DPH6: variants seen among roughly 807,000 people sequenced by gnomAD.
DPH6 encodes the protein diphthine--ammonia ligase.
DPH6 carries 33 observed loss-of-function variants against 38.2 expected under a neutral mutation model. The observed-to-expected ratio is 0.86, with a 90% CI of 0.65 to 1.15. The LOEUF (loss-of-function observed/expected upper bound fraction) is 1.15, where lower values mean the gene tolerates loss of function less well. Among genes scored for constraint, DPH6 ranks in the 50% most tolerant of loss-of-function variants. The pLI is 0.00. For missense variants in DPH6, 325 were observed against 320.0 expected, an observed-to-expected ratio of 1.02 and a Z score of -0.12; for synonymous variants, 108 against 103.0, an observed-to-expected ratio of 1.05 and a Z score of -0.30.
At chr15:35,319,721 CAG>C (rs2052223986) in intron 3 of DPH6, among the ~76,000 whole-genome samples, 1 of 151,952 alleles carries the variant, frequency 6.6e-6, no homozygotes, top group Non-Finnish European at 1.5e-5. Flanking sequence ...GCCTGGGTGA[CAG>C]AGTGAGATTC....
At chr15:35,413,044 AGGGGAGGTTGATAATG>A (rs1379735802) in intron 5 of DPH6, among the ~76,000 whole-genome samples, 1 of 151,576 alleles carries the variant, frequency 6.6e-6, no homozygotes, top group Non-Finnish European at 1.5e-5. Context: ...CAACTCTAGC[AGGGGAGGTTGATAATG>A]GGGGAGGTCA....
chr15:35,178,231 C>T, the DPH6 span, among the ~76,000 whole-genome samples: 1 of 152,152 alleles, frequency 6.6e-6, no homozygotes. Flanking sequence ...GTTTCATATA[C>T]TGTATTAGTC....
chr15:35,435,408 C>A (rs556593228), intron 5 of DPH6, among the ~76,000 whole-genome samples: 1 of 152,298 alleles, frequency 6.6e-6, no homozygotes, highest in East Asian at 1.9e-4. Context: ...TTGATAGATG[C>A]AGGAGGCAGA....
intron 5 of DPH6, among the ~76,000 whole-genome samples, chr15:35,439,548 T>G (rs914464078): frequency 2.6e-5 from 4 of 152,228 alleles, no homozygotes; most frequent in Non-Finnish European, 4.4e-5. Flanking sequence ...GTATGCTTCC[T>G]TTTAAGGAAT....
intron 3 of DPH6, among the ~76,000 whole-genome samples, chr15:35,526,000 T>C (rs1595443585): frequency 6.6e-6 from 1 of 152,330 alleles, no homozygotes; most frequent in Middle Eastern, 3.4e-3. Context: ...ATTATAATGC[T>C]TTCTGTAATT....
intron 4 of DPH6, 49 bp downstream of exon 4, chr15:35,454,698 T>C: frequency 6.9e-7 from 1 of 1,457,956 alleles, no homozygotes; most frequent in Non-Finnish European, 9.5e-7. Context: ...CTTATTCACA[T>C]TCTTAAAACA....
At chr15:35,248,281 C>G (rs2051649215) in intron 3 of DPH6, among the ~76,000 whole-genome samples, 1 of 152,200 alleles carries the variant, frequency 6.6e-6, no homozygotes, top group African/African-American at 2.4e-5. Context: ...AACCCCTTTT[C>G]TCAAAGCCAT....
chr15:35,345,775 T>C (rs1349898204), intron 3 of DPH6, among the ~76,000 whole-genome samples: 1 of 151,904 alleles, frequency 6.6e-6, no homozygotes, highest in Non-Finnish European at 1.5e-5. Context: ...CAAATATAGA[T>C]TGAACATATA....
chr15:35,208,568 CTCATCT>C, the DPH6 span, among the ~76,000 whole-genome samples: 1 of 152,220 alleles, frequency 6.6e-6, no homozygotes, highest in Non-Finnish European at 1.5e-5. Flanking sequence ...GCAGCATGAC[CTCATCT>C]TCCCTTCTGA....
At chr15:35,520,220 C>CAAAAAAAAAAAAAAAAAAAAA (rs1353792195) in intron 3 of DPH6, 10 of 435,338 alleles carry the variant, frequency 2.3e-5, no homozygotes, top group East Asian at 4.9e-4. Context: ...AAACATGCTA[C>CAAAAAAAAAAAAAAAAAAAAA]AAAAAAAAAC....
the DPH6 span, among the ~76,000 whole-genome samples, chr15:35,158,991 T>C: frequency 6.6e-6 from 1 of 152,086 alleles, no homozygotes; most frequent in African/African-American, 2.4e-5. Flanking sequence ...CTTAAATTTA[T>C]ATTTACTGAT....
At chr15:35,238,070 T>A in intron 3 of DPH6, 1 of 1,552,182 alleles carries the variant, frequency 6.4e-7, no homozygotes, top group Non-Finnish European at 8.9e-7. Flanking sequence ...CTAAGTGGAA[T>A]AACCTATTTT....
intron 3 of DPH6, among the ~76,000 whole-genome samples, chr15:35,284,364 C>T (rs1399371040): frequency 6.6e-6 from 1 of 151,952 alleles, no homozygotes; most frequent in Non-Finnish European, 1.5e-5. Flanking sequence ...TTTTTTCCCC[C>T]TAAGGTAAAA....
chr15:35,242,446 T>C (rs1203317778), intron 3 of DPH6, among the ~76,000 whole-genome samples: 1 of 143,170 alleles, frequency 7.0e-6, no homozygotes, highest in Non-Finnish European at 1.5e-5. Context: ...TTTAATACTT[T>C]TAGAGGCCTT....
chr15:35,459,103 G>A (rs2054031665), intron 3 of DPH6, among the ~76,000 whole-genome samples: 1 of 152,170 alleles, frequency 6.6e-6, no homozygotes, highest in African/African-American at 2.4e-5. Flanking sequence ...AGGTATCTTT[G>A]TGTGGCTCAT....
chr15:35,261,232 C>T (rs1036110653), intron 3 of DPH6, among the ~76,000 whole-genome samples: 3 of 152,182 alleles, frequency 2.0e-5, no homozygotes, highest in Admixed American at 1.3e-4. Context: ...AGCAATACAG[C>T]GTGCCTCTGA....
intron 5 of DPH6, among the ~76,000 whole-genome samples, chr15:35,425,837 T>C (rs2053563889): frequency 6.7e-6 from 1 of 148,530 alleles, no homozygotes; most frequent in South Asian, 2.1e-4. Context: ...ATATCTCATA[T>C]ATCCATATAT....
At chr15:35,341,872 G>C (rs900455763) in intron 3 of DPH6, among the ~76,000 whole-genome samples, 20 of 152,212 alleles carry the variant, frequency 1.3e-4, no homozygotes, top group African/African-American at 4.6e-4. Context: ...TAAAGAAGCA[G>C]CCTGGCTGCT....
rs143579189 is a variant in DPH6 at position 35,523,090 on chromosome 15, A to C, written c.312+15184T>G. Among the ~76,000 whole-genome samples the C allele has an allele frequency of 2.1e-3, 316 of 152,138 alleles. 4 individuals are homozygous for C. Among genetic ancestry groups the C allele is most frequent in the African/African-American group, 7.3e-3 (304 of 41,540 alleles). ...ACAGGAGTGTATTTTTTTGTGTTTG[A>C]TGAGTTTTGCCAAATTACCGTCCAG... On this transcript the variant is annotated intron_variant, in intron 3 of 8. Transcript: ENST00000256538.
Sources: allele counts gnomAD v4.1 joint callset (sites outside exome capture counted in the v4.1 genomes callset), GRCh38; gene constraint gnomAD v4.1.1; transcripts MANE v1.5; gene names NCBI Gene and HGNC (gene_info 2026-07-23, HGNC 2026-07-21).